Variants in MRAP observed in about 807,000 individuals in gnomAD.
The protein encoded by MRAP is melanocortin 2 receptor accessory protein.
Under a neutral mutation model 8.7 loss-of-function variants are expected in MRAP, and 8 were observed. The observed-to-expected ratio is 0.92, with a 90% CI of 0.54 to 1.66. MRAP has a LOEUF of 1.66. Among genes scored for constraint, MRAP ranks in the 40% most tolerant of loss-of-function variants. The probability of loss-of-function intolerance (pLI) is 0.00; values close to 1 mark genes in which losing one functional copy is unlikely to be tolerated. For synonymous variants in MRAP, 95 were observed against 95.5 expected (o/e 1.00, Z 0.03); for missense variants, 237 against 217.1 (o/e 1.09, Z -0.58).
chr21:32,311,636 G>A, intron 2 of MRAP, 48 bp from the exon 3 acceptor site: 2 of 1,602,688 alleles, frequency 1.2e-6, no homozygotes, highest in Non-Finnish European at 1.7e-6. Flanking sequence ...AGTATGGACT[G>A]TTCTGCAGCA....
At chr21:32,300,756 CTA>C (rs1294535742) in intron 1 of MRAP, among the ~76,000 whole-genome samples, 6 of 129,130 alleles carry the variant, frequency 4.6e-5, no homozygotes, top group African/African-American at 1.7e-4. Flanking sequence ...GTCGTGCGTC[CTA>C]TGTCAGGGGC....
intron 1 of MRAP, among the ~76,000 whole-genome samples, chr21:32,292,275 G>T (rs1049871799): frequency 1.3e-5 from 2 of 152,204 alleles, no homozygotes; most frequent in Non-Finnish European, 2.9e-5. Flanking sequence ...AACTAAATTG[G>T]CCTTGGCCAT....
chr21:32,310,604 C>T (rs542319366), intron 2 of MRAP, among the ~76,000 whole-genome samples: 33 of 152,144 alleles, frequency 2.2e-4, no homozygotes, highest in African/African-American at 7.7e-4. Context: ...TGCCCCAGCA[C>T]TTCCCGGGCA....
upstream of MRAP, among the ~76,000 whole-genome samples, chr21:32,298,300 A>T (rs1248816368): frequency 2.0e-5 from 3 of 152,016 alleles, no homozygotes; most frequent in Non-Finnish European, 4.4e-5. Flanking sequence ...GAGTCTGAAC[A>T]AATGCAGCCG....
rs181999430 is a variant in MRAP, at chr21:32,310,625, C to T, written c.207-1059C>T. ...AGCACTTCCCGGGCAGGAGAATCCACCCAGGGAGGACACATTTCTTTTTTT... is the reference window on the plus strand; with the variant it reads ...AGCACTTCCCGGGCAGGAGAATCCATCCAGGGAGGACACATTTCTTTTTTT... On this transcript the variant is annotated intron_variant, in intron 2 of 2. Transcript: ENST00000303645. Among the ~76,000 whole-genome samples, 827 of 152,264 alleles carry T rather than the reference C, an allele frequency of 5.4e-3. 2 individuals carry two copies. Among genetic ancestry groups the T allele is most frequent in the Middle Eastern group, 0.01 (3 of 294 alleles).
intron 2 of MRAP, among the ~76,000 whole-genome samples, chr21:32,308,073 C>T (rs1188977756): frequency 6.6e-6 from 1 of 152,150 alleles, no homozygotes; most frequent in Non-Finnish European, 1.5e-5. Flanking sequence ...TCACCAGGAA[C>T]ATAAGAACCT....
At position 32,306,033 on chromosome 21, in the gene MRAP, CCT is replaced by C. The variant is rs770480351; in HGVS notation, c.107-606_107-605del. Among the ~76,000 whole-genome samples the C allele has an allele frequency of 2.2e-4, 33 of 152,300 alleles. No individual in the cohort carries two copies. The East Asian group carries it at 2.3e-3, about 11-fold the overall frequency. ...GTGCTTTTTCCTTCCTGCCACAGCC[CCT>C]GAGATGAGACTTCCTGCCTGAGAGA... On this transcript the variant is annotated intron_variant, in intron 1 of 2. Transcript: ENST00000303645.
intron 1 of MRAP, among the ~76,000 whole-genome samples, chr21:32,299,993 C>T (rs1183109454): frequency 6.6e-6 from 1 of 152,200 alleles, no homozygotes; most frequent in Non-Finnish European, 1.5e-5. Flanking sequence ...AAAACAAAAA[C>T]AAAGCCTGGG....
chr21:32,307,809 G>C (rs1372290171), intron 2 of MRAP, among the ~76,000 whole-genome samples: 2 of 152,184 alleles, frequency 1.3e-5, no homozygotes, highest in East Asian at 3.8e-4. Flanking sequence ...AGCAGGTCAA[G>C]GCTGCAGTGA....
At chr21:32,305,838 T>A (rs2032402632) in intron 1 of MRAP, among the ~76,000 whole-genome samples, 1 of 150,982 alleles carries the variant, frequency 6.6e-6, no homozygotes, top group Admixed American at 6.6e-5. Context: ...AGAAAGTAGT[T>A]CCATAGCAAC....
intron 1 of MRAP, among the ~76,000 whole-genome samples, 195 bp downstream of exon 1, chr21:32,299,272 A>C (rs970421989): frequency 6.6e-6 from 1 of 152,208 alleles, no homozygotes; most frequent in African/African-American, 2.4e-5. Context: ...CTTCTGTAAT[A>C]AGCTTGGAAT....
At chr21:32,314,639 G>C (rs977447472), downstream of MRAP, 2 of 1,614,140 alleles carry the variant, frequency 1.2e-6, no homozygotes, top group Non-Finnish European at 1.7e-6. Flanking sequence ...CCCTAGAGAG[G>C]AAGGGGCGGC....
At chr21:32,309,532 A>G (rs1485706740) in intron 2 of MRAP, among the ~76,000 whole-genome samples, 1 of 145,542 alleles carries the variant, frequency 6.9e-6, no homozygotes, top group East Asian at 2.0e-4. Flanking sequence ...GCTCACTGCA[A>G]CCTCCACCTC....
At chr21:32,300,718 C>CA (rs372707008) in intron 1 of MRAP, among the ~76,000 whole-genome samples, 41 of 19,602 alleles carry the variant, frequency 2.1e-3, no homozygotes, top group South Asian at 7.2e-3. Flanking sequence ...CGTCCTATGT[C>CA]GGGGCGTCAT....
chr21:32,312,082 ATT>A lies in MRAP; in HGVS notation c.*88_*89del. On this transcript the variant is annotated 3_prime_UTR_variant, in exon 3 of 3. Coordinates refer to ENST00000303645, the MANE Select transcript of MRAP (RefSeq NM_001379228.1). ...ACGTTCCTCGTTCTTCTTAGAGGCC[ATT>A]TGCATGTAGCAGAAAGGGCACCTAG... is the stretch of plus-strand genomic sequence containing the variant. 6.3e-7 allele frequency: 1 copy of A among 1,598,054 alleles called. No individual in the cohort carries two copies. The highest frequency in any genetic ancestry group is 2.2e-5 in the East Asian group (1 of 44,786).
chr21:32,300,700 G>GATGTCACA (rs1569026415), intron 1 of MRAP, among the ~76,000 whole-genome samples: 13 of 21,194 alleles, frequency 6.1e-4, no homozygotes, highest in South Asian at 2.5e-3. Context: ...TATGTCAGGG[G>GATGTCACA]CGTCATGCGT....
At chr21:32,314,002 T>G (rs934070514), downstream of MRAP, 1 of 153,382 alleles carries the variant, frequency 6.5e-6, no homozygotes. Context: ...AAATCCCCTC[T>G]TTGAAGTATA....
intron 1 of MRAP, among the ~76,000 whole-genome samples, chr21:32,304,858 A>C (rs182646694): frequency 6.6e-6 from 1 of 151,690 alleles, no homozygotes; most frequent in East Asian, 1.9e-4. Flanking sequence ...TGGAGTGTAA[A>C]TGCCAAGTTG....
At chr21:32,311,245 G>A (rs918081466) in intron 2 of MRAP, 2 of 172,776 alleles carry the variant, frequency 1.2e-5, no homozygotes, top group Non-Finnish European at 1.2e-5. Flanking sequence ...ACCTCCCACT[G>A]GGTCCTTCCC....
Sources: allele counts gnomAD v4.1 joint callset (sites outside exome capture counted in the v4.1 genomes callset), GRCh38; gene constraint gnomAD v4.1.1; transcripts MANE v1.5; gene names NCBI Gene and HGNC (gene_info 2026-07-23, HGNC 2026-07-21).